SYT9: variants seen among roughly 807,000 people sequenced by gnomAD.
The protein encoded by SYT9 is synaptotagmin 9.
Under a neutral mutation model 48.4 loss-of-function variants are expected in SYT9, and 22 were observed. The ratio of observed to expected loss-of-function variants is 0.45; its 90% CI spans 0.32 to 0.65. SYT9 has a LOEUF of 0.65. Among genes scored for constraint, SYT9 ranks in the 30% least tolerant of loss-of-function variants. The pLI is 0.03. For missense variants in SYT9, 577 were observed against 622.0 expected (o/e 0.93, Z 0.77); for synonymous variants, 265 against 245.0 (o/e 1.08, Z -0.76).
At chr11:7,372,168 T>A (rs1185324395) in intron 3 of SYT9, among the ~76,000 whole-genome samples, 1 of 152,206 alleles carries the variant, frequency 6.6e-6, no homozygotes, top group African/African-American at 2.4e-5. Context: ...CAACATTTGA[T>A]GTTGTCATCT....
intron 3 of SYT9, among the ~76,000 whole-genome samples, chr11:7,328,135 A>G (rs1849468686): frequency 6.6e-6 from 1 of 151,678 alleles, no homozygotes; most frequent in Non-Finnish European, 1.5e-5. Flanking sequence ...TTTGTCTTGT[A>G]TATTTCTATT....
At chr11:7,361,212 T>C (rs1291535594) in intron 3 of SYT9, among the ~76,000 whole-genome samples, 1 of 152,196 alleles carries the variant, frequency 6.6e-6, no homozygotes, top group Non-Finnish European at 1.5e-5. Flanking sequence ...GTTTGTCTTT[T>C]TTCCAACTTT....
intron 3 of SYT9, among the ~76,000 whole-genome samples, chr11:7,339,526 A>T (rs1272176717): frequency 4.6e-5 from 7 of 152,044 alleles, no homozygotes; most frequent in African/African-American, 7.2e-5. Context: ...TCCTTTCAAG[A>T]TCTTTTGTAA....
chr11:7,404,900 T>G lies in SYT9; in HGVS notation c.1045-11142T>G, dbSNP rs1195223163. On this transcript the variant is annotated intron_variant, in intron 3 of 6. Transcript: ENST00000318881. ...AACCATACAGATCACAGAAAGAGTT[T>G]ATAGATCGACAGATAGAGAATTCAC... Among the ~76,000 whole-genome samples the G allele has an allele frequency of 2.0e-5, 3 of 152,308 alleles. No homozygotes were observed. In the East Asian group the frequency reaches 5.8e-4, roughly 29 times the overall value.
At chr11:7,422,763 G>A (rs1847378511) in intron 6 of SYT9, among the ~76,000 whole-genome samples, 2 of 152,288 alleles carry the variant, frequency 1.3e-5, no homozygotes, top group South Asian at 4.1e-4. Flanking sequence ...ACCTGGGCAG[G>A]GGAGTAGTCC....
At chr11:7,424,519 T>C (rs1331573444) in intron 6 of SYT9, among the ~76,000 whole-genome samples, 1 of 152,184 alleles carries the variant, frequency 6.6e-6, no homozygotes, top group Non-Finnish European at 1.5e-5. Context: ...TGGAGAATAA[T>C]AGGAAATAGT....
chr11:7,273,784 G>T (rs546476678), intron 1 of SYT9, among the ~76,000 whole-genome samples: 1 of 152,102 alleles, frequency 6.6e-6, no homozygotes, highest in African/African-American at 2.4e-5. Context: ...GGAGTTTACA[G>T]CAAACTAACA....
chr11:7,367,267 G>C (rs923900962), intron 3 of SYT9, among the ~76,000 whole-genome samples: 2 of 129,818 alleles, frequency 1.5e-5, no homozygotes, highest in Non-Finnish European at 3.3e-5. Flanking sequence ...TTTTTTTTTG[G>C]TATTTTTAGT....
intron 3 of SYT9, among the ~76,000 whole-genome samples, chr11:7,370,576 G>T (rs1456432363): frequency 3.9e-5 from 6 of 152,108 alleles, no homozygotes; most frequent in Non-Finnish European, 5.9e-5. Flanking sequence ...AAAATAGGTA[G>T]ATTTTATGGG....
intron 1 of SYT9, among the ~76,000 whole-genome samples, chr11:7,253,753 G>A (rs1847915701): frequency 6.6e-6 from 1 of 152,314 alleles, no homozygotes; most frequent in East Asian, 1.9e-4. Flanking sequence ...GCATCTCATT[G>A]CTGGATGTGA....
chr11:7,313,484 G>C lies in SYT9; in HGVS notation c.587G>C (p.Gly196Ala), dbSNP rs749162841. 1 of 1,614,118 alleles carries C rather than the reference G, an allele frequency of 6.2e-7. No individual in the cohort carries two copies. Among genetic ancestry groups the C allele is most frequent in the Non-Finnish European group, 8.5e-7 (1 of 1,179,996 alleles). The change falls in exon 3 of 7, where the codon GGT becomes GCT. Residue 196 changes from glycine to alanine, a missense_variant. Gly to Ala is a moderately conservative substitution (Grantham distance 60). Transcript: ENST00000318881. ...LQKQEQLTGI[G>A]RIKPELYKQR... is the part of the protein sequence containing the mutation. ...AAACAGGAACAGTTGACTGGAATTG[G>C]TAGAATTAAACCAGAGTTATATAAG...
intron 6 of SYT9, 84 bp downstream of exon 6, chr11:7,420,719 G>A (rs1025100614): frequency 1.9e-6 from 3 of 1,547,922 alleles, no homozygotes; most frequent in African/African-American, 1.4e-5. Context: ...ACATATGAGT[G>A]CACCAGGATC....
At chr11:7,312,126 C>T (rs1388091038) in intron 2 of SYT9, among the ~76,000 whole-genome samples, 4 of 152,066 alleles carry the variant, frequency 2.6e-5, no homozygotes, top group Non-Finnish European at 5.9e-5. Context: ...AGCTCTGTGA[C>T]GGTACTCTTG....
intron 6 of SYT9, among the ~76,000 whole-genome samples, chr11:7,445,067 G>C (rs79884284): frequency 7.4e-4 from 113 of 152,280 alleles, no homozygotes; most frequent in African/African-American, 2.6e-3. Flanking sequence ...GTGTGTCCTT[G>C]AGCAAGTTTC....
Position 7,344,929 on chromosome 11 carries a change from T to TACACACACACACACAC in SYT9, c.1044+31007_1044+31022dup, listed in dbSNP as rs60652691. 1.7e-4 allele frequency among the ~76,000 whole-genome samples: 25 copies of TACACACACACACACAC among 149,022 alleles called. No homozygotes were observed. The South Asian group carries it at 2.8e-3, about 17-fold the overall frequency. On this transcript the variant is annotated intron_variant, in intron 3 of 6. Transcript: ENST00000318881. ...GAATTTTATAATCAGCTCATTATTT[T>TACACACACACACACAC]ACACACACACACACACACACACACA... is the stretch of plus-strand genomic sequence containing the variant.
At chr11:7,405,988 T>G (rs373510959) in intron 3 of SYT9, among the ~76,000 whole-genome samples, 1 of 152,210 alleles carries the variant, frequency 6.6e-6, no homozygotes, top group African/African-American at 2.4e-5. Context: ...GCAGCTGGGA[T>G]GCAACAAGAC....
chr11:7,253,470 A>G (rs1487857), intron 1 of SYT9, among the ~76,000 whole-genome samples: 29,431 of 152,196 alleles, frequency 0.19, 2,843 homozygotes, highest in East Asian at 0.27. Context: ...AGAGTGTCAC[A>G]CTGAGCCAGA....
chr11:7,432,841 A>G (rs1364239160), intron 6 of SYT9, among the ~76,000 whole-genome samples: 1 of 151,570 alleles, frequency 6.6e-6, no homozygotes, highest in East Asian at 1.9e-4. Context: ...TTGGACTTTG[A>G]ACTTCTGAAT....
At chr11:7,359,566 CAT>C (rs1850090601) in intron 3 of SYT9, among the ~76,000 whole-genome samples, 1 of 108,060 alleles carries the variant, frequency 9.3e-6, no homozygotes, top group Admixed American at 1.0e-4. Flanking sequence ...GATGGTATCT[CAT>C]AGTGGTTTTG....
Sources: allele counts gnomAD v4.1 joint callset (sites outside exome capture counted in the v4.1 genomes callset), GRCh38; gene constraint gnomAD v4.1.1; transcripts MANE v1.5; gene names NCBI Gene and HGNC (gene_info 2026-07-23, HGNC 2026-07-21).